The following LRP1B variants were observed in gnomAD, a reference collection of about 807,000 sequenced individuals.
LRP1B encodes LDL receptor related protein 1B, also known as low-density lipoprotein receptor-related protein 1B.
In LRP1B, 217 loss-of-function variants were observed where a neutral mutation model predicts 556.6. The observed-to-expected ratio is 0.39, with a 90% CI of 0.35 to 0.44. The LOEUF is 0.44. Ranked by LOEUF, LRP1B falls within the 20% of genes least tolerant of loss-of-function variation. The pLI is 1.00. For synonymous variants in LRP1B, 2,047 were observed against 1,865.8 expected, an observed-to-expected ratio of 1.10 and a Z score of -2.50; for missense variants, 5,053 against 5,620.8, an observed-to-expected ratio of 0.90 and a Z score of 3.23.
intron 25 of LRP1B, among the ~76,000 whole-genome samples, chr2:140,882,760 C>T (rs572273345): frequency 1.3e-5 from 2 of 152,196 alleles, no homozygotes; most frequent in African/African-American, 2.4e-5. Context: ...GCCAGGAGGC[C>T]GACTTAGACA....
At chr2:140,476,326 C>T (rs1406435082) in intron 59 of LRP1B, among the ~76,000 whole-genome samples, 2 of 151,850 alleles carry the variant, frequency 1.3e-5, no homozygotes, top group African/African-American at 2.4e-5. Flanking sequence ...CTATTTCATT[C>T]TTTCTTTTTG....
At chr2:140,355,980 C>T (rs970302796) in intron 75 of LRP1B, among the ~76,000 whole-genome samples, 13 of 151,900 alleles carry the variant, frequency 8.6e-5, no homozygotes, top group Admixed American at 7.2e-4. Context: ...GCAAATTCCA[C>T]ACTCAAGAGA....
Position 141,907,165 on chromosome 2 carries a change from G to A in LRP1B, c.83-96764C>T, listed in dbSNP as rs943342983. 5.9e-5 allele frequency among the ~76,000 whole-genome samples: 9 copies of A among 152,012 alleles called. No individual in the cohort carries two copies. In the East Asian group the frequency reaches 1.7e-3, roughly 29 times the overall value. ...GTGTATCTGCTCTACTTATAGCATT[G>A]TAATGAATCCCAAGCAATTATTTTT... is the stretch of plus-strand genomic sequence containing the variant. On this transcript the variant is annotated intron_variant, in intron 1 of 90. Transcript: ENST00000389484.
At chr2:141,415,410 C>T (rs958696895) in intron 3 of LRP1B, among the ~76,000 whole-genome samples, 1 of 152,042 alleles carries the variant, frequency 6.6e-6, no homozygotes, top group Admixed American at 6.6e-5. Flanking sequence ...AAGAGAATAG[C>T]TAATCTAAAA....
chr2:142,008,461 T>C (rs1039105894), intron 1 of LRP1B, among the ~76,000 whole-genome samples: 5 of 152,038 alleles, frequency 3.3e-5, no homozygotes, highest in Non-Finnish European at 5.9e-5. Flanking sequence ...TCTGGATACA[T>C]GGGTCAAGGT....
At chr2:140,538,324 G>A (rs35804355) in intron 45 of LRP1B, among the ~76,000 whole-genome samples, 6,437 of 152,050 alleles carry the variant, frequency 0.042, 160 homozygotes, top group Non-Finnish European at 0.062. Context: ...TCTGTCACCC[G>A]GGTACTGAGC....
chr2:141,352,900 T>A (rs1455298235), intron 3 of LRP1B, among the ~76,000 whole-genome samples: 1 of 151,950 alleles, frequency 6.6e-6, no homozygotes, highest in Non-Finnish European at 1.5e-5. Context: ...AATTAAATAG[T>A]TTATATATTT....
intron 7 of LRP1B, among the ~76,000 whole-genome samples, chr2:141,078,582 G>A (rs1185050760): frequency 1.3e-5 from 2 of 149,944 alleles, no homozygotes; most frequent in Non-Finnish European, 3.0e-5. Context: ...TGTATCTGAG[G>A]TATGTGTAAG....
chr2:141,978,051 T>G (rs1170796526), intron 1 of LRP1B, among the ~76,000 whole-genome samples: 2 of 152,142 alleles, frequency 1.3e-5, no homozygotes, highest in African/African-American at 4.8e-5. Context: ...ACCACATAAT[T>G]TTTTAAATGC....
chr2:141,395,190 T>C (rs933789108), intron 3 of LRP1B, among the ~76,000 whole-genome samples: 9 of 152,132 alleles, frequency 5.9e-5, no homozygotes, highest in African/African-American at 1.9e-4. Context: ...TATGTAATAA[T>C]GTTCAAGGAC....
chr2:141,284,985 C>CA (rs778080704), intron 3 of LRP1B, among the ~76,000 whole-genome samples: 1 of 151,960 alleles, frequency 6.6e-6, no homozygotes, highest in African/African-American at 2.4e-5. Flanking sequence ...TCAATTTCTA[C>CA]AAAAAATTAT....
intron 83 of LRP1B, among the ~76,000 whole-genome samples, chr2:140,301,660 T>C (rs947203326): frequency 6.6e-6 from 1 of 151,968 alleles, no homozygotes; most frequent in Non-Finnish European, 1.5e-5. Flanking sequence ...GCCAGAATGC[T>C]CAATGTGAAT....
chr2:140,607,675 A>C (rs1254315161), intron 41 of LRP1B, among the ~76,000 whole-genome samples: 1 of 151,726 alleles, frequency 6.6e-6, no homozygotes, highest in Admixed American at 6.6e-5. Flanking sequence ...GTGTGTGTGT[A>C]TATATATATG....
intron 41 of LRP1B, among the ~76,000 whole-genome samples, chr2:140,613,297 A>G (rs1425888989): frequency 1.4e-5 from 2 of 143,650 alleles, no homozygotes; most frequent in Admixed American, 7.3e-5. Context: ...TATTTTATAT[A>G]TATAAAATTA....
chr2:141,190,368 C>A (rs1018943188), intron 6 of LRP1B, among the ~76,000 whole-genome samples: 5 of 151,908 alleles, frequency 3.3e-5, no homozygotes, highest in Admixed American at 6.6e-5. Flanking sequence ...AAGCAAAGTT[C>A]TTTTTGCCCC....
At chr2:140,830,796 T>C (rs1312313090) in intron 31 of LRP1B, among the ~76,000 whole-genome samples, 1 of 152,094 alleles carries the variant, frequency 6.6e-6, no homozygotes, top group East Asian at 1.9e-4. Context: ...AGATGCATGA[T>C]ATTATACTTA....
intron 50 of LRP1B, among the ~76,000 whole-genome samples, chr2:140,516,386 A>T (rs1047458930): frequency 6.6e-6 from 1 of 152,122 alleles, no homozygotes; most frequent in Non-Finnish European, 1.5e-5. Flanking sequence ...GTTATTTAAA[A>T]TGTACAGGAT....
intron 1 of LRP1B, among the ~76,000 whole-genome samples, chr2:141,970,625 T>C (rs112236604): frequency 0.03 from 4,534 of 151,608 alleles, 219 homozygotes; most frequent in African/African-American, 0.1. Flanking sequence ...GTATATGCCA[T>C]CAGCTCAAGG....
At chr2:141,439,077 A>T (rs1444639186) in intron 3 of LRP1B, among the ~76,000 whole-genome samples, 1 of 152,142 alleles carries the variant, frequency 6.6e-6, no homozygotes, top group Non-Finnish European at 1.5e-5. Flanking sequence ...AAATTCTATA[A>T]ACCTGAAAAA....
Sources: allele counts gnomAD v4.1 joint callset (sites outside exome capture counted in the v4.1 genomes callset), GRCh38; gene constraint gnomAD v4.1.1; transcripts MANE v1.5; gene names NCBI Gene and HGNC (gene_info 2026-07-23, HGNC 2026-07-21).